Variants in MRM3 observed in about 807,000 individuals in gnomAD.
MRM3 encodes mitochondrial rRNA methyltransferase 3.
A neutral mutation model predicts 29.4 loss-of-function variants in MRM3; 26 were observed. The observed-to-expected ratio is 0.89, with a 90% CI of 0.65 to 1.23. The LOEUF (loss-of-function observed/expected upper bound fraction) is 1.23. MRM3 is among the 50% of genes most tolerant of loss of function. The pLI, the probability that MRM3 is intolerant of heterozygous loss-of-function variation, is 0.00. For synonymous variants in MRM3, 225 were observed against 219.0 expected, an observed-to-expected ratio of 1.03 and a Z score of -0.24; for missense variants, 578 against 540.2, an observed-to-expected ratio of 1.07 and a Z score of -0.69.
At chr17:782,808 T>TATGC (rs989846118) in intron 1 of MRM3, 116 bp downstream of exon 1, 19 of 1,136,120 alleles carry the variant, frequency 1.7e-5, no homozygotes, top group African/African-American at 3.1e-5. Context: ...GTTTTTGTAT[T>TATGC]ATGCACAGAG....
At chr17:782,982 C>T in intron 1 of MRM3, 101 bp from the exon 2 acceptor site, 1 of 1,486,838 alleles carries the variant, frequency 6.7e-7, no homozygotes, top group Non-Finnish European at 8.9e-7. Context: ...GCCACCGCGC[C>T]CGGCCCTCTC....
rs747314515 is a variant in MRM3 at position 782,361 on chromosome 17, G to GC, written c.-15dup. 1.5e-4 allele frequency: 234 copies of GC among 1,613,142 alleles called. No individual in the cohort carries two copies. The Middle Eastern group carries it at 4.4e-3, about 31-fold the overall frequency. On this transcript the variant is annotated 5_prime_UTR_variant, in exon 1 of 4. Transcript: ENST00000304478. ...GCCGACGGCGCGCTTTCGTGACGCA[G>GC]CCCGGGTCTCAGGGAACATGGCGGC... is the stretch of plus-strand genomic sequence containing the variant.
chr17:790,747 A>C, intron 3 of MRM3, among the ~76,000 whole-genome samples: 1 of 85,948 alleles, frequency 1.2e-5, no homozygotes, highest in Non-Finnish European at 2.0e-5. Context: ...CTGTGCCACC[A>C]CACCCCCACC....
chr17:782,758 C>T lies in MRM3; in HGVS notation c.314+66C>T, dbSNP rs147207461. On this transcript the variant is annotated intron_variant, in intron 1 of 3. Transcript: ENST00000304478. ...TTCCCGTCGCACAGCGGAACCTTAA[C>T]CTCCTTCCGATGGAGGACTTCTTCC... 140 of 1,492,834 alleles carry T rather than the reference C, an allele frequency of 9.4e-5. No individual in the cohort carries two copies. The East Asian group carries it at 1.0e-3, about 11-fold the overall frequency. 92.5% of individuals were successfully genotyped at this position (1,492,834 alleles called of 1,614,324 possible).
rs1910823776 is a variant in MRM3 at position 791,603 on chromosome 17, T to G, written c.797T>G (p.Ile266Ser). ...GGCGCACATTTCCGGATGCCCATTA[T>G]CAATAATCTGGAATGGGAAACCGTG... ...GMGAHFRMPI[I>S]NNLEWETVPN... The change falls in exon 4 of 4, where the codon ATC becomes AGC. Residue 266 changes from isoleucine to serine, a missense_variant. Ile to Ser is a moderately radical substitution (Grantham distance 142). Transcript: ENST00000304478. 6.2e-7 allele frequency: 1 copy of G among 1,614,082 alleles called. No individual in the cohort carries two copies. Among genetic ancestry groups the G allele is most frequent in the Non-Finnish European group, 8.5e-7 (1 of 1,180,044 alleles).
rs1427822117 is a variant in MRM3 at position 791,763 on chromosome 17, TGAGGAA to T, written c.966_971del (p.Glu322_Glu323del). On this transcript the variant is annotated inframe_deletion, in exon 4 of 4. Coordinates refer to ENST00000304478, the MANE Select transcript of MRM3 (RefSeq NM_018146.4). ...AACGAGTGATGAAGTTTCACAAGTA[TGAGGAA>T]GAGGAAGATGTAGAAACCGGAGCCA... is the stretch of plus-strand genomic sequence containing the variant. The T allele has an allele frequency of 6.8e-6, 11 of 1,613,964 alleles. No homozygotes were observed. Among genetic ancestry groups the T allele is most frequent in the Admixed American group, 6.7e-5 (4 of 59,992 alleles).
At chr17:791,200 G>A (rs1303393438) in intron 3 of MRM3, among the ~76,000 whole-genome samples, 3 of 152,100 alleles carry the variant, frequency 2.0e-5, no homozygotes, top group East Asian at 3.9e-4. Context: ...ATCAGTTACT[G>A]ATACTGTAGC....
chr17:785,731 C>G (rs1362369275), intron 2 of MRM3, among the ~76,000 whole-genome samples: 1 of 152,206 alleles, frequency 6.6e-6, no homozygotes, highest in African/African-American at 2.4e-5. Context: ...TACTTTGATG[C>G]ATTCAAGTTT....
In MRM3 at chr17:791,673, C is replaced by A; in HGVS notation, c.867C>A (p.Asn289Lys). 6.2e-7 allele frequency: 1 copy of A among 1,614,232 alleles called. No individual in the cohort carries two copies. Among genetic ancestry groups the A allele is most frequent in the Non-Finnish European group, 8.5e-7 (1 of 1,180,042 alleles). Residue 289 changes from asparagine to lysine, a missense_variant, in exon 4 of 4, where the codon AAC (asparagine) becomes AAA (lysine). Physicochemically the swap from Asn to Lys is moderately conservative, Grantham distance 94. Coordinates refer to ENST00000304478, the MANE Select transcript of MRM3 (RefSeq NM_018146.4). ...PPDTRVYVAD[N>K]CGLYAQAEMS... ...ACACTCGGGTCTATGTGGCTGACAA[C>A]TGTGGCCTTTATGCCCAGGCTGAGA...
Position 782,449 on chromosome 17 carries a change from T to C in MRM3, c.71T>C (p.Leu24Pro). The C allele has an allele frequency of 6.2e-7, 1 of 1,613,950 alleles. No homozygotes were observed. Among genetic ancestry groups the C allele is most frequent in the East Asian group, 2.2e-5 (1 of 44,882 alleles). The change falls in exon 1 of 4, where the codon CTT becomes CCT. Residue 24 changes from leucine to proline, a missense_variant. Coordinates refer to ENST00000304478, the MANE Select transcript of MRM3 (RefSeq NM_018146.4). Reference protein sequence around the residue: ...PLLQVVQAWDLDARRWVRALR... With the variant: ...PLLQVVQAWDPDARRWVRALR... ...CTGCAGGTGGTCCAGGCTTGGGACC[T>C]TGACGCGAGGCGCTGGGTCCGGGCG...
chr17:783,469 T>TGG, intron 2 of MRM3, 142 bp downstream of exon 2: 1 of 811,874 alleles, frequency 1.2e-6, no homozygotes. Flanking sequence ...CCGCAGTAGC[T>TGG]GGGATTACAG....
Position 791,852 on chromosome 17 carries a change from C to G in MRM3, c.1046C>G (p.Ala349Gly), listed in dbSNP as rs745808850. 3 of 1,614,084 alleles carry G rather than the reference C, an allele frequency of 1.9e-6. No individual in the cohort carries two copies. Among genetic ancestry groups the G allele is most frequent in the Admixed American group, 3.3e-5 (2 of 60,020 alleles). The change falls in exon 4 of 4, where the codon GCG (alanine) becomes GGG (glycine). Residue 349 changes from alanine to glycine, a missense_variant. Ala to Gly is a moderately conservative substitution (Grantham distance 60). Coordinates refer to ENST00000304478, the MANE Select transcript of MRM3 (RefSeq NM_018146.4). ...AGTTACGACTCGGACTGGACAGAGGCGCCGGCAGCTGTGGTGATTGGCGGG... is the reference window on the plus strand; with the variant it reads ...AGTTACGACTCGGACTGGACAGAGGGGCCGGCAGCTGTGGTGATTGGCGGG... ...VQSYDSDWTE[A>G]PAAVVIGGET... is the part of the protein sequence containing the mutation.
Position 788,026 on chromosome 17 carries a change from A to T in MRM3, c.621A>T (p.Ser207=). ...MTYPKTQLQH[S]LPLLLICDNL... ...ATCCAAAGACTCAGCTTCAGCATTC[A>T]CTGCCTTTATTATTGATTTGTGACA... Residue 207 remains serine, a synonymous_variant, in exon 3 of 4, where the codon TCA becomes TCT. Transcript: ENST00000304478. The T allele has an allele frequency of 6.2e-7, 1 of 1,614,170 alleles. No homozygotes were observed. The highest frequency in any genetic ancestry group is 8.5e-7 in the Non-Finnish European group (1 of 1,180,004).
intron 3 of MRM3, among the ~76,000 whole-genome samples, chr17:788,411 G>A (rs1910638436): frequency 6.6e-6 from 1 of 151,822 alleles, no homozygotes. Flanking sequence ...CTCCAGCCTG[G>A]GCGACAGAGT....
rs140748645 is a variant in MRM3, at chr17:791,855, C to T, written c.1049C>T (p.Pro350Leu). The change falls in exon 4 of 4, where the codon CCG becomes CTG. Residue 350 changes from proline to leucine, a missense_variant. Coordinates refer to ENST00000304478, the MANE Select transcript of MRM3 (RefSeq NM_018146.4). ...TACGACTCGGACTGGACAGAGGCGC[C>T]GGCAGCTGTGGTGATTGGCGGGGAG... ...QSYDSDWTEAPAAVVIGGETY... is the reference protein window; with the variant it reads ...QSYDSDWTEALAAVVIGGETY... The T allele has an allele frequency of 4.6e-5, 75 of 1,614,094 alleles. No homozygotes were observed. Among genetic ancestry groups the T allele is most frequent in the East Asian group, 2.9e-4 (13 of 44,880 alleles).
chr17:792,153 C>T lies in MRM3; in HGVS notation c.*84C>T. 2 of 1,355,888 alleles carry T rather than the reference C, an allele frequency of 1.5e-6. No homozygotes were observed. Among genetic ancestry groups the T allele is most frequent in the Non-Finnish European group, 2.0e-6 (2 of 991,238 alleles). The allele number at this position is 1,355,888 out of a possible 1,614,324, so 84.0% of individuals were successfully genotyped here. A position where few individuals can be genotyped will look rare whatever the true frequency, so the allele number is the denominator to read the frequency against. Reference sequence around the variant, plus strand: ...GGTGGGAGGCTGGCGGAGTCAGTGACTATGGCCCCCACGTTCAGGAGGAAG... The same window carrying T: ...GGTGGGAGGCTGGCGGAGTCAGTGATTATGGCCCCCACGTTCAGGAGGAAG... On this transcript the variant is annotated 3_prime_UTR_variant, in exon 4 of 4. Coordinates refer to ENST00000304478, the MANE Select transcript of MRM3 (RefSeq NM_018146.4).
At chr17:789,399 G>A (rs764552793) in intron 3 of MRM3, among the ~76,000 whole-genome samples, 4 of 152,096 alleles carry the variant, frequency 2.6e-5, no homozygotes, top group East Asian at 1.9e-4. Context: ...CACATGCCCC[G>A]CACACAAATT....
chr17:782,770 G>T, intron 1 of MRM3, 78 bp downstream of exon 1: 1 of 1,435,912 alleles, frequency 7.0e-7, no homozygotes, highest in Non-Finnish European at 9.3e-7. Flanking sequence ...TCCTTCCGAT[G>T]GAGGACTTCT....
chr17:792,369 C>T lies in MRM3; in HGVS notation c.*300C>T. On this transcript the variant is annotated 3_prime_UTR_variant, in exon 4 of 4. Coordinates refer to ENST00000304478, the MANE Select transcript of MRM3 (RefSeq NM_018146.4). ...CTTTGTGCCCAGAAAGTTCCTGAAG[C>T]ATCATCCTGGCAGGGAGGCGCCTGC... 3.2e-6 allele frequency: 1 copy of T among 315,744 alleles called. No individual in the cohort carries two copies. The allele number at this position is 315,744 out of a possible 1,614,324, so 19.6% of individuals were successfully genotyped here.
Sources: allele counts gnomAD v4.1 joint callset (sites outside exome capture counted in the v4.1 genomes callset), GRCh38; gene constraint gnomAD v4.1.1; transcripts MANE v1.5; gene names NCBI Gene and HGNC (gene_info 2026-07-23, HGNC 2026-07-21).